Variants in SYNDIG1L observed in about 807,000 individuals in gnomAD.
SYNDIG1L encodes the protein synapse differentiation-inducing gene protein 1-like.
Under a neutral mutation model 20.1 loss-of-function variants are expected in SYNDIG1L, and 13 were observed. The ratio of observed to expected loss-of-function variants is 0.65; its 90% CI spans 0.42 to 1.03. SYNDIG1L has a LOEUF of 1.03. Ranked by LOEUF, SYNDIG1L falls within the 50% of genes least tolerant of loss-of-function variation. The pLI is 0.00. For missense variants in SYNDIG1L, 294 were observed against 305.1 expected (o/e 0.96, Z 0.27); for synonymous variants, 128 against 129.3 (o/e 0.99, Z 0.07).
chr14:74,476,923 C>T, the SYNDIG1L span, among the ~76,000 whole-genome samples: 1 of 152,042 alleles, frequency 6.6e-6, no homozygotes, highest in Non-Finnish European at 1.5e-5. Flanking sequence ...GAGAAAAAGA[C>T]ACAACCACCC....
the SYNDIG1L span, among the ~76,000 whole-genome samples, chr14:74,453,374 AAAAAAAAAAAAAAAAAAG>A: frequency 1.6e-3 from 236 of 143,838 alleles, 6 homozygotes; most frequent in African/African-American, 3.9e-3. Context: ...AAAAAAAAAA[AAAAAAAAAAAAAAAAAAG>A]AAGAAGAAGA....
At chr14:74,423,468 C>T (rs915825570) in intron 1 of SYNDIG1L, among the ~76,000 whole-genome samples, 2 of 152,164 alleles carry the variant, frequency 1.3e-5, no homozygotes, top group Non-Finnish European at 2.9e-5. Flanking sequence ...TGATTCTTGC[C>T]AGTGCTGCAC....
chr14:74,436,362 G>A, the SYNDIG1L span, among the ~76,000 whole-genome samples: 14 of 151,750 alleles, frequency 9.2e-5, no homozygotes, highest in Non-Finnish European at 2.1e-4. Flanking sequence ...CCAAAATGCT[G>A]AAATTATAGG....
chr14:74,453,352 CAAAAAAAAAAAAAAAAAA>C, the SYNDIG1L span, among the ~76,000 whole-genome samples: 80 of 26,770 alleles, frequency 3.0e-3, no homozygotes, highest in South Asian at 0.033. Flanking sequence ...GACTCTGTCT[CAAAAAAAAAAAAAAAAAA>C]AAAAAAAAAA....
the SYNDIG1L span, among the ~76,000 whole-genome samples, chr14:74,432,328 C>A: frequency 1.3e-5 from 2 of 152,300 alleles, no homozygotes; most frequent in East Asian, 3.9e-4. Flanking sequence ...TGCATTACAG[C>A]AAACACATAT....
chr14:74,436,227 A>ATT, the SYNDIG1L span, among the ~76,000 whole-genome samples: 73 of 138,414 alleles, frequency 5.3e-4, no homozygotes, highest in African/African-American at 1.8e-3. Context: ...TACCCCACTC[A>ATT]TTTTTTTTTT....
chr14:74,430,819 G>C (rs2086297736), upstream of SYNDIG1L, among the ~76,000 whole-genome samples: 1 of 152,160 alleles, frequency 6.6e-6, no homozygotes, highest in Non-Finnish European at 1.5e-5. Flanking sequence ...GAGTGCAGTG[G>C]TGCAATTGCT....
upstream of SYNDIG1L, among the ~76,000 whole-genome samples, chr14:74,429,865 G>T (rs1346338341): frequency 1.3e-5 from 2 of 152,192 alleles, no homozygotes; most frequent in Non-Finnish European, 2.9e-5. Flanking sequence ...AGGCCCTTTG[G>T]TTTGAGGCAG....
At chr14:74,436,677 A>G in the SYNDIG1L span, among the ~76,000 whole-genome samples, 4 of 151,826 alleles carry the variant, frequency 2.6e-5, no homozygotes, top group Non-Finnish European at 5.9e-5. Flanking sequence ...CATGAAACCA[A>G]GTTTCTACTA....
the SYNDIG1L span, among the ~76,000 whole-genome samples, chr14:74,477,925 G>A: frequency 6.6e-6 from 1 of 152,350 alleles, no homozygotes; most frequent in South Asian, 2.1e-4. Flanking sequence ...ACTGTCTGTA[G>A]AAGACGACCT....
upstream of SYNDIG1L, among the ~76,000 whole-genome samples, chr14:74,427,654 A>G (rs1454488051): frequency 6.6e-6 from 1 of 152,190 alleles, no homozygotes; most frequent in Non-Finnish European, 1.5e-5. Flanking sequence ...TGGATAATGC[A>G]GTGAGAAGCC....
At chr14:74,435,926 A>ACCATAATTTTCTGGTTTCTG in the SYNDIG1L span, among the ~76,000 whole-genome samples, 1 of 152,164 alleles carries the variant, frequency 6.6e-6, no homozygotes, top group African/African-American at 2.4e-5. Context: ...CCAAGTTTCT[A>ACCATAATTTTCTGGTTTCTG]CCATAATTTT....
chr14:74,407,421 G>A lies in SYNDIG1L; in HGVS notation c.*114C>T. 1 of 1,447,770 alleles carries A rather than the reference G, an allele frequency of 6.9e-7. No individual in the cohort carries two copies. The highest frequency in any genetic ancestry group is 9.4e-7 in the Non-Finnish European group (1 of 1,064,126). The allele number at this position is 1,447,770 out of a possible 1,614,324, so 89.7% of individuals were successfully genotyped here. A position where few individuals can be genotyped will look rare whatever the true frequency, so the allele number is the denominator to read the frequency against. On this transcript the variant is annotated 3_prime_UTR_variant, in exon 4 of 4. Coordinates refer to ENST00000331628, the MANE Select transcript of SYNDIG1L (RefSeq NM_001105579.2). Reference sequence around the variant, plus strand: ...GGAATGGGGGTCTCCCCCTCAGCAAGCCACTCTCACGGGATCATCTTCAGG... The same window carrying A: ...GGAATGGGGGTCTCCCCCTCAGCAAACCACTCTCACGGGATCATCTTCAGG...
chr14:74,408,563 CAAAA>C (rs758108537), intron 2 of SYNDIG1L, among the ~76,000 whole-genome samples: 6 of 66,178 alleles, frequency 9.1e-5, no homozygotes, highest in Non-Finnish European at 1.3e-4. Flanking sequence ...GACTCCATCT[CAAAA>C]AAAAAAAAAA....
At chr14:74,419,127 C>G (rs1374343673) in intron 1 of SYNDIG1L, among the ~76,000 whole-genome samples, 1 of 152,180 alleles carries the variant, frequency 6.6e-6, no homozygotes, top group African/African-American at 2.4e-5. Flanking sequence ...TTAGGATGCT[C>G]TAGCTCTCAG....
At chr14:74,449,439 A>G in the SYNDIG1L span, among the ~76,000 whole-genome samples, 2 of 67,816 alleles carry the variant, frequency 2.9e-5, no homozygotes, top group East Asian at 6.5e-4. Flanking sequence ...CTGTCTTTAC[A>G]AAAAAAAAAA....
At chr14:74,476,616 T>A in the SYNDIG1L span, 1 of 1,513,402 alleles carries the variant, frequency 6.6e-7, no homozygotes, top group East Asian at 2.5e-5. Flanking sequence ...AAGAGGTCAC[T>A]GTTCTTCTGC....
At chr14:74,453,094 C>T in the SYNDIG1L span, among the ~76,000 whole-genome samples, 1 of 152,010 alleles carries the variant, frequency 6.6e-6, no homozygotes, top group African/African-American at 2.4e-5. Flanking sequence ...CACCTGTAAT[C>T]CCAGCCCTTT....
chr14:74,464,631 G>C, the SYNDIG1L span, among the ~76,000 whole-genome samples: 2 of 152,140 alleles, frequency 1.3e-5, no homozygotes, highest in African/African-American at 4.8e-5. Context: ...GACAACCGAA[G>C]AGATGACCCC....
Sources: allele counts gnomAD v4.1 joint callset (sites outside exome capture counted in the v4.1 genomes callset), GRCh38; gene constraint gnomAD v4.1.1; transcripts MANE v1.5; gene names NCBI Gene and HGNC (gene_info 2026-07-23, HGNC 2026-07-21).